MTMR10: variants seen among roughly 807,000 people sequenced by gnomAD.
MTMR10 encodes myotubularin related protein 10.
MTMR10 carries 56 observed loss-of-function variants against 88.1 expected under a neutral mutation model. The ratio of observed to expected loss-of-function variants is 0.64; its 90% confidence interval spans 0.51 to 0.79. The LOEUF is 0.79. Among genes scored for constraint, MTMR10 ranks in the 30% least tolerant of loss-of-function variants. The probability of loss-of-function intolerance (pLI) is 0.00; values close to 1 mark genes in which losing one functional copy is unlikely to be tolerated. For synonymous variants in MTMR10, 380 were observed against 340.9 expected (o/e 1.11, Z -1.26); for missense variants, 883 against 924.7 (o/e 0.95, Z 0.58).
the MTMR10 span, chr15:30,922,252 T>G: frequency 5.7e-5 from 92 of 1,610,298 alleles, no homozygotes; most frequent in South Asian, 9.8e-4. Flanking sequence ...TCAGAGAACT[T>G]GAAAGCCTTT....
intron 2 of MTMR10, among the ~76,000 whole-genome samples, chr15:30,979,820 G>A (rs1464445088): frequency 6.6e-6 from 1 of 152,246 alleles, no homozygotes. Flanking sequence ...AAGAAGAGGA[G>A]GAGAATATAC....
chr15:30,939,311 G>A lies in MTMR10; in HGVS notation c.*2159C>T. On this transcript the variant is annotated 3_prime_UTR_variant, in exon 16 of 16. Coordinates refer to ENST00000435680, the MANE Select transcript of MTMR10 (RefSeq NM_017762.3). ...CACCCAGTGCATCAGCATCTGTGCGGCATTCCCTCAGCACGGGCTCTGCTG... is the reference window on the plus strand; with the variant it reads ...CACCCAGTGCATCAGCATCTGTGCGACATTCCCTCAGCACGGGCTCTGCTG... 1 of 985,456 alleles carries A rather than the reference G, an allele frequency of 1.0e-6. No homozygotes were observed. Among genetic ancestry groups the A allele is most frequent in the Non-Finnish European group, 1.2e-6 (1 of 829,954 alleles). The allele number at this position is 985,456 out of a possible 1,614,324, so 61.0% of individuals were successfully genotyped here.
the MTMR10 span, chr15:30,925,747 G>T: frequency 1.2e-6 from 2 of 1,608,780 alleles, no homozygotes; most frequent in Non-Finnish European, 8.5e-7. Context: ...AGGGACTTTT[G>T]CTGACCTGAG....
intron 2 of MTMR10, among the ~76,000 whole-genome samples, chr15:30,988,195 G>C (rs1350140471): frequency 6.6e-6 from 1 of 152,142 alleles, no homozygotes; most frequent in Non-Finnish European, 1.5e-5. Context: ...AGGAAACAGA[G>C]ACCACAACAG....
the MTMR10 span, chr15:30,930,560 G>GC: frequency 6.3e-7 from 1 of 1,598,444 alleles, no homozygotes; most frequent in Non-Finnish European, 8.5e-7. Flanking sequence ...TCTCCTGCCT[G>GC]GGGGGCCCTG....
At chr15:30,937,949 A>G (rs977362497), downstream of MTMR10, among the ~76,000 whole-genome samples, 16 of 151,066 alleles carry the variant, frequency 1.1e-4, no homozygotes, top group African/African-American at 3.9e-4. Flanking sequence ...TGGGAGGCTG[A>G]GCGAGGCAGG....
At chr15:30,930,508 G>C in the MTMR10 span, 1 of 1,563,076 alleles carries the variant, frequency 6.4e-7, no homozygotes. Flanking sequence ...TCTGTCACGA[G>C]GGAAGTGGCT....
the MTMR10 span, among the ~76,000 whole-genome samples, chr15:30,924,060 G>T: frequency 1.3e-5 from 2 of 152,122 alleles, no homozygotes; most frequent in Non-Finnish European, 2.9e-5. Flanking sequence ...AAATGTGCCT[G>T]TTCATTTCAT....
At chr15:30,934,094 GTC>G (rs2062789025), downstream of MTMR10, among the ~76,000 whole-genome samples, 3 of 152,052 alleles carry the variant, frequency 2.0e-5, no homozygotes, top group South Asian at 6.2e-4. Flanking sequence ...TATTTTGAAG[GTC>G]TGTTATAAGA....
rs751885574 is a variant in MTMR10 at position 30,941,923 on chromosome 15, C to T, written c.1881G>A (p.Thr627=). The change falls in exon 16 of 16, where the codon ACG becomes ACA. Residue 627 remains threonine (T), a synonymous_variant. Coordinates refer to ENST00000435680, the MANE Select transcript of MTMR10 (RefSeq NM_017762.3). ...AAAACCATTCTCTAAAATACTGCTC[C>T]GTATCACTGTTCTGGCTGTCGGTTT... The part of the protein sequence containing the change: ...AQQTDSQNSD[T]EQYFREWFSK... 3.0e-5 allele frequency: 48 copies of T among 1,613,874 alleles called. No homozygotes were observed. Among genetic ancestry groups the T allele is most frequent in the East Asian group, 4.5e-5 (2 of 44,904 alleles).
chr15:30,947,975 T>C (rs1407469040), intron 13 of MTMR10, among the ~76,000 whole-genome samples: 1 of 152,262 alleles, frequency 6.6e-6, no homozygotes, highest in African/African-American at 2.4e-5. Flanking sequence ...TATCCCATTT[T>C]AAGAAAATAT....
At chr15:30,930,738 T>G in the MTMR10 span, 2 of 1,572,344 alleles carry the variant, frequency 1.3e-6, no homozygotes, top group African/African-American at 2.7e-5. Flanking sequence ...AGGCCACAAG[T>G]AGGCATTTCT....
intron 10 of MTMR10, among the ~76,000 whole-genome samples, chr15:30,953,837 C>T (rs1332042079): frequency 2.6e-5 from 4 of 152,246 alleles, no homozygotes; most frequent in African/African-American, 9.6e-5. Context: ...GGGGCTCCAT[C>T]ATCTTCTCTC....
At chr15:30,951,367 CCT>C (rs1454395871) in intron 12 of MTMR10, among the ~76,000 whole-genome samples, 5 of 152,138 alleles carry the variant, frequency 3.3e-5, no homozygotes, top group Non-Finnish European at 7.4e-5. Context: ...GAGAGAATGC[CCT>C]GTCAAAATTA....
rs1033966478 is a variant in MTMR10, at chr15:30,991,501, G to A, written c.6C>T (p.Phe2=). ...AGGTGGGTTTGGGCGGCTTGAGGGA[G>A]AACATGGTGCCGCCGCCTTTTCGCC... M[F]SLKPPKPTFR... is the part of the protein sequence containing the mutation. The change falls in exon 1 of 16, where the codon TTC becomes TTT. Residue 2 remains phenylalanine, a synonymous_variant. Coordinates refer to ENST00000435680, the MANE Select transcript of MTMR10 (RefSeq NM_017762.3). The A allele has an allele frequency of 2.0e-6, 3 of 1,528,620 alleles. No individual in the cohort carries two copies. The highest frequency in any genetic ancestry group is 2.6e-6 in the Non-Finnish European group (3 of 1,146,436). The allele number at this position is 1,528,620 out of a possible 1,614,324, so 94.7% of individuals were successfully genotyped here.
rs375050012 is a variant in MTMR10 at position 30,943,028 on chromosome 15, G to A, written c.1593C>T (p.Gly531=). The A allele has an allele frequency of 1.9e-6, 3 of 1,550,050 alleles. No individual in the cohort carries two copies. The highest frequency in any genetic ancestry group is 2.4e-5 in the East Asian group (1 of 40,946). ...SKNIQLGDEK[G]LKFPSVWDWS... is the part of the protein sequence containing the mutation. Reference sequence around the variant, plus strand: ...AGTCCCAAACAGAGGGGAATTTTAAGCCCTTCTCATCACCCAATTGGATGT... The same window carrying A: ...AGTCCCAAACAGAGGGGAATTTTAAACCCTTCTCATCACCCAATTGGATGT... Residue 531 remains glycine, a synonymous_variant, in exon 15 of 16, where the codon GGC becomes GGT. Transcript: ENST00000435680.
chr15:30,931,441 A>C, the MTMR10 span, among the ~76,000 whole-genome samples: 2 of 152,214 alleles, frequency 1.3e-5, no homozygotes, highest in African/African-American at 2.4e-5. Flanking sequence ...GACAAAATCC[A>C]ACTTATTTGT....
At chr15:30,973,806 T>C (rs1375082310) in intron 5 of MTMR10, among the ~76,000 whole-genome samples, 1 of 152,180 alleles carries the variant, frequency 6.6e-6, no homozygotes, top group Non-Finnish European at 1.5e-5. Flanking sequence ...AGTTAAAAAG[T>C]TACTAGCTTT....
the MTMR10 span, among the ~76,000 whole-genome samples, chr15:30,921,107 C>T: frequency 6.6e-6 from 1 of 152,110 alleles, no homozygotes; most frequent in African/African-American, 2.4e-5. Flanking sequence ...GCCTGGCCAA[C>T]GAGGGCATAG....
Sources: allele counts gnomAD v4.1 joint callset (sites outside exome capture counted in the v4.1 genomes callset), GRCh38; gene constraint gnomAD v4.1.1; transcripts MANE v1.5; gene names NCBI Gene and HGNC (gene_info 2026-07-23, HGNC 2026-07-21).